TGFBR3: variants seen among roughly 807,000 people sequenced by gnomAD.
TGFBR3 encodes the protein transforming growth factor beta receptor 3.
In TGFBR3, 46 loss-of-function variants were observed where a neutral mutation model predicts 87.9. The ratio of observed to expected loss-of-function variants is 0.52; its 90% CI spans 0.41 to 0.67. TGFBR3 has a LOEUF of 0.67. Among genes scored for constraint, TGFBR3 ranks in the 30% least tolerant of loss-of-function variants. TGFBR3 has a pLI of 0.00. For synonymous variants in TGFBR3, 381 were observed against 391.6 expected (o/e 0.97, Z 0.32); for missense variants, 866 against 1,041.9 (o/e 0.83, Z 2.32).
intron 3 of TGFBR3, 86 bp from the exon 4 acceptor site, chr1:91,758,836 G>T: frequency 6.5e-7 from 1 of 1,527,016 alleles, no homozygotes; most frequent in African/African-American, 1.4e-5. Flanking sequence ...TACTTTTTTT[G>T]CAACTCACTA....
Position 91,680,492 on chromosome 1 carries a change from G to A in TGFBR3, c.*3247C>T, listed in dbSNP as rs1193407456. 1 of 454,056 alleles carries A rather than the reference G, an allele frequency of 2.2e-6. No homozygotes were observed. The highest frequency in any genetic ancestry group is 1.6e-5 in the South Asian group (1 of 64,460). The allele number at this position is 454,056 out of a possible 1,614,324, so 28.1% of individuals were successfully genotyped here. A position where few individuals can be genotyped will look rare whatever the true frequency, so the allele number is the denominator to read the frequency against. On this transcript the variant is annotated 3_prime_UTR_variant, in exon 17 of 17. Coordinates refer to ENST00000212355, the MANE Select transcript of TGFBR3 (RefSeq NM_003243.5). Reference sequence around the variant, plus strand: ...CAGGGGTGTTCAAACTGGCCACAGGGATTTTAAGGGTACTCGTTTTACCCT... The same window carrying A: ...CAGGGGTGTTCAAACTGGCCACAGGAATTTTAAGGGTACTCGTTTTACCCT...
intron 5 of TGFBR3, among the ~76,000 whole-genome samples, chr1:91,730,743 A>G (rs1672738192): frequency 6.6e-6 from 1 of 152,194 alleles, no homozygotes; most frequent in South Asian, 2.1e-4. Context: ...TCCTCACAGC[A>G]CTTTATACTC....
intron 1 of TGFBR3, among the ~76,000 whole-genome samples, chr1:91,876,194 G>A (rs1571596187): frequency 6.6e-6 from 1 of 152,184 alleles, no homozygotes; most frequent in African/African-American, 2.4e-5. Flanking sequence ...AAACACATTA[G>A]CCTCAGTGAC....
chr1:91,851,743 G>A (rs1677744292), intron 2 of TGFBR3, among the ~76,000 whole-genome samples: 1 of 152,198 alleles, frequency 6.6e-6, no homozygotes, highest in Non-Finnish European at 1.5e-5. Context: ...CATCACTGCT[G>A]TCCTAAAATA....
chr1:91,745,435 G>C (rs1242083963), intron 4 of TGFBR3, among the ~76,000 whole-genome samples: 1 of 152,226 alleles, frequency 6.6e-6, no homozygotes, highest in Non-Finnish European at 1.5e-5. Context: ...CGGTAAAGGA[G>C]AATAGGTATT....
chr1:91,883,690 C>T (rs11583606), intron 1 of TGFBR3, among the ~76,000 whole-genome samples: 3,946 of 150,664 alleles, frequency 0.026, 84 homozygotes, highest in Non-Finnish European at 0.035. Flanking sequence ...TGAGCTGAAT[C>T]AACAGTTGTT....
chr1:91,832,117 A>C (rs1239718685), intron 2 of TGFBR3, among the ~76,000 whole-genome samples: 1 of 152,222 alleles, frequency 6.6e-6, no homozygotes, highest in East Asian at 1.9e-4. Context: ...ACGTAAAGGT[A>C]AAGCTTAGAT....
chr1:91,805,794 A>G (rs284159), intron 2 of TGFBR3, among the ~76,000 whole-genome samples: 102,363 of 152,110 alleles, frequency 0.67, 34,650 homozygotes, highest in East Asian at 0.78. Flanking sequence ...TTCTCACAAT[A>G]CCACTGTGAA....
chr1:91,872,739 G>T (rs185076157), intron 1 of TGFBR3, among the ~76,000 whole-genome samples: 1 of 152,106 alleles, frequency 6.6e-6, no homozygotes, highest in East Asian at 1.9e-4. Flanking sequence ...TAGCCTGCTG[G>T]GTTAAAGGGC....
chr1:91,799,421 T>C (rs1675517220), intron 2 of TGFBR3, among the ~76,000 whole-genome samples: 1 of 152,202 alleles, frequency 6.6e-6, no homozygotes, highest in Non-Finnish European at 1.5e-5. Flanking sequence ...GGAAACCATA[T>C]GGGCAGGTGC....
chr1:91,788,935 G>T (rs1218577908), intron 3 of TGFBR3, among the ~76,000 whole-genome samples: 2 of 152,108 alleles, frequency 1.3e-5, no homozygotes, highest in African/African-American at 4.8e-5. Flanking sequence ...TACAGGTCAG[G>T]GTTCTAACCC....
At chr1:91,870,138 G>A (rs1201384219) in intron 1 of TGFBR3, among the ~76,000 whole-genome samples, 1 of 152,156 alleles carries the variant, frequency 6.6e-6, no homozygotes, top group Non-Finnish European at 1.5e-5. Flanking sequence ...TCCCAACAAT[G>A]TAAGCACACA....
At chr1:91,759,854 G>A (rs1016869805) in intron 3 of TGFBR3, among the ~76,000 whole-genome samples, 2 of 152,182 alleles carry the variant, frequency 1.3e-5, no homozygotes, top group Non-Finnish European at 1.5e-5. Context: ...CTAGATCCAC[G>A]ATCTGTGTCT....
chr1:91,833,093 GA>G, intron 2 of TGFBR3, among the ~76,000 whole-genome samples: 1 of 150,496 alleles, frequency 6.6e-6, no homozygotes, highest in African/African-American at 2.4e-5. Flanking sequence ...TCAGGAGTTT[GA>G]GACTGACCTG....
intron 8 of TGFBR3, among the ~76,000 whole-genome samples, chr1:91,721,127 T>C (rs1245873000): frequency 6.6e-6 from 1 of 152,234 alleles, no homozygotes; most frequent in African/African-American, 2.4e-5. Context: ...GAAGTGAAGA[T>C]GATAGTTGGA....
intron 2 of TGFBR3, among the ~76,000 whole-genome samples, chr1:91,840,834 G>T (rs1431190745): frequency 6.6e-6 from 1 of 150,746 alleles, no homozygotes; most frequent in African/African-American, 2.4e-5. Context: ...TTTTGAAATG[G>T]AGTTTCACTC....
chr1:91,878,817 G>C (rs981099174), intron 1 of TGFBR3, among the ~76,000 whole-genome samples: 11 of 152,330 alleles, frequency 7.2e-5, no homozygotes, highest in Middle Eastern at 3.4e-3. Context: ...CAGAAAAGCA[G>C]GTGTTTCGTC....
At chr1:91,834,050 C>A (rs1346025137) in intron 2 of TGFBR3, among the ~76,000 whole-genome samples, 1 of 152,198 alleles carries the variant, frequency 6.6e-6, no homozygotes, top group Non-Finnish European at 1.5e-5. Context: ...GAAAAAGGAA[C>A]TATTTGGACA....
chr1:91,803,008 G>A (rs1268610270), intron 2 of TGFBR3, among the ~76,000 whole-genome samples: 2 of 152,090 alleles, frequency 1.3e-5, no homozygotes, highest in Non-Finnish European at 2.9e-5. Context: ...CCACCAAAAT[G>A]TCTTCTATAG....
Sources: allele counts gnomAD v4.1 joint callset (sites outside exome capture counted in the v4.1 genomes callset), GRCh38; gene constraint gnomAD v4.1.1; transcripts MANE v1.5; gene names NCBI Gene and HGNC (gene_info 2026-07-23, HGNC 2026-07-21).